ADAM22: variants seen among roughly 807,000 people sequenced by gnomAD.
ADAM22 encodes the protein ADAM metallopeptidase domain 22, also known as disintegrin and metalloproteinase domain-containing protein 22.
ADAM22 carries 65 observed loss-of-function variants against 144.6 expected under a neutral mutation model. The observed-to-expected ratio is 0.45, with a 90% CI of 0.37 to 0.55. The LOEUF is 0.55. ADAM22 is among the 20% of genes least tolerant of loss of function. The probability of loss-of-function intolerance (pLI) is 0.00; values close to 1 mark genes in which losing one functional copy is unlikely to be tolerated. For missense variants in ADAM22, 974 were observed against 1,184.9 expected (o/e 0.82, Z 2.61); for synonymous variants, 391 against 412.6 (o/e 0.95, Z 0.63).
chr7:88,121,222 G>A (rs561079148), intron 7 of ADAM22, among the ~76,000 whole-genome samples: 2 of 151,788 alleles, frequency 1.3e-5, no homozygotes, highest in Non-Finnish European at 2.9e-5. Flanking sequence ...GCTATTCTGG[G>A]CCCTTCACAT....
At chr7:88,159,076 C>T (rs536901528) in intron 22 of ADAM22, among the ~76,000 whole-genome samples, 17 of 152,094 alleles carry the variant, frequency 1.1e-4, no homozygotes, top group African/African-American at 3.4e-4. Context: ...GGGGATGTTA[C>T]GACTCACCCC....
chr7:88,134,655 AG>A (rs1832579278), intron 13 of ADAM22, among the ~76,000 whole-genome samples: 1 of 152,186 alleles, frequency 6.6e-6, no homozygotes, highest in Non-Finnish European at 1.5e-5. Context: ...AATAAATTCA[AG>A]CTGAATTTAA....
chr7:87,977,747 T>C (rs897490099), intron 2 of ADAM22, among the ~76,000 whole-genome samples: 8 of 152,172 alleles, frequency 5.3e-5, no homozygotes, highest in African/African-American at 9.7e-5. Context: ...ATTTTTTTTT[T>C]CTAACACAAG....
At chr7:87,947,849 C>T (rs1429246551) in intron 2 of ADAM22, among the ~76,000 whole-genome samples, 1 of 151,860 alleles carries the variant, frequency 6.6e-6, no homozygotes, top group African/African-American at 2.4e-5. Flanking sequence ...AGGCATGGAC[C>T]CTCATCTTCA....
intron 14 of ADAM22, 30 bp from the exon 15 acceptor site, chr7:88,142,996 C>T (rs768953143): frequency 7.2e-7 from 1 of 1,394,980 alleles, no homozygotes; most frequent in Non-Finnish European, 1.0e-6. Flanking sequence ...ATGAGTTGAA[C>T]CCAGCTATTG....
intron 4 of ADAM22, among the ~76,000 whole-genome samples, chr7:88,076,001 A>ATTATT (rs1302671996): frequency 1.1e-4 from 16 of 152,200 alleles, no homozygotes; most frequent in South Asian, 6.2e-4. Flanking sequence ...AAAAACCCCA[A>ATTATT]TTATTTTATT....
At chr7:88,176,472 A>G (rs745710250) in intron 26 of ADAM22, among the ~76,000 whole-genome samples, 1 of 152,196 alleles carries the variant, frequency 6.6e-6, no homozygotes, top group Non-Finnish European at 1.5e-5. Context: ...TTTATGATGT[A>G]TTTAGCATTT....
At chr7:88,080,190 A>T (rs1214758557) in intron 4 of ADAM22, among the ~76,000 whole-genome samples, 1 of 152,130 alleles carries the variant, frequency 6.6e-6, no homozygotes, top group African/African-American at 2.4e-5. Context: ...GGATTAAGAA[A>T]CTCACTCAAA....
intron 3 of ADAM22, among the ~76,000 whole-genome samples, chr7:88,005,187 C>G (rs766310838): frequency 2.3e-4 from 35 of 152,078 alleles, no homozygotes; most frequent in Non-Finnish European, 4.7e-4. Flanking sequence ...CACTCACTCC[C>G]CATTAAATTT....
At chr7:87,977,519 A>C (rs1281265835) in intron 2 of ADAM22, among the ~76,000 whole-genome samples, 2 of 152,214 alleles carry the variant, frequency 1.3e-5, no homozygotes, top group Non-Finnish European at 2.9e-5. Flanking sequence ...AAACACGAAA[A>C]ATTCCAATAA....
At chr7:88,108,131 T>G in intron 4 of ADAM22, 45 bp from the exon 5 acceptor site, 2 of 1,535,862 alleles carry the variant, frequency 1.3e-6, no homozygotes, top group South Asian at 1.2e-5. Context: ...AGCAGCTGAT[T>G]CTCCTTGTGA....
intron 4 of ADAM22, among the ~76,000 whole-genome samples, chr7:88,103,406 A>G (rs1211726458): frequency 6.6e-6 from 1 of 152,148 alleles, no homozygotes; most frequent in African/African-American, 2.4e-5. Flanking sequence ...TAAATAAATG[A>G]TTATTTTGAT....
Position 88,199,012 on chromosome 7 carries a change from A to G in ADAM22, c.*2521A>G, listed in dbSNP as rs1422354440. On this transcript the variant is annotated 3_prime_UTR_variant, in exon 32 of 32. Coordinates refer to ENST00000413139, the MANE Select transcript of ADAM22 (RefSeq NM_001324418.2). ...ATTCTTAGAGCCATTTGTGGGATTCATTGACAAATTTATAGTCTCAAGGGA... is the reference window on the plus strand; with the variant it reads ...ATTCTTAGAGCCATTTGTGGGATTCGTTGACAAATTTATAGTCTCAAGGGA... The G allele has an allele frequency of 6.6e-6, 1 of 152,230 alleles. No homozygotes were observed. The highest frequency in any genetic ancestry group is 1.5e-5 in the Non-Finnish European group (1 of 68,032). The allele number at this position is 152,230 out of a possible 1,614,324, so 9.4% of individuals were successfully genotyped here. A position where few individuals can be genotyped will look rare whatever the true frequency, so the allele number is the denominator to read the frequency against.
Position 88,132,879 on chromosome 7 carries a change from T to G in ADAM22, c.1005T>G (p.Phe335Leu). 6.2e-7 allele frequency: 1 copy of G among 1,613,890 alleles called. No homozygotes were observed. The highest frequency in any genetic ancestry group is 8.5e-7 in the Non-Finnish European group (1 of 1,179,884). ...DAVHLFSGSQ[F>L]ESSRSGAAYI... ...CCTTTTCTAAAAGGGGAAGTCAATT[T>G]GAGAGTAGCCGGAGCGGGGCAGCTT... Residue 335 changes from phenylalanine to leucine, a missense_variant, in exon 12 of 32, where the codon TTT becomes TTG. Coordinates refer to ENST00000413139, the MANE Select transcript of ADAM22 (RefSeq NM_001324418.2).
chr7:88,156,934 T>C (rs373077239), intron 22 of ADAM22, among the ~76,000 whole-genome samples: 5 of 147,140 alleles, frequency 3.4e-5, no homozygotes, highest in African/African-American at 7.5e-5. Flanking sequence ...ACAAAAACAA[T>C]GAGACAATGA....
chr7:88,156,123 C>G, intron 22 of ADAM22, 117 bp downstream of exon 22: 1 of 1,089,748 alleles, frequency 9.2e-7, no homozygotes, highest in Non-Finnish European at 1.3e-6. Context: ...ATAATCTAGT[C>G]TATAGAGACG....
chr7:88,083,872 G>T (rs74988745), intron 4 of ADAM22, among the ~76,000 whole-genome samples: 6,381 of 151,974 alleles, frequency 0.042, 443 homozygotes, highest in East Asian at 0.26. Flanking sequence ...GATTCATCTA[G>T]ATATAACATG....
intron 3 of ADAM22, among the ~76,000 whole-genome samples, chr7:88,036,155 C>G (rs1055110072): frequency 4.6e-5 from 7 of 152,130 alleles, no homozygotes; most frequent in Non-Finnish European, 1.0e-4. Flanking sequence ...GAAATAATCT[C>G]TGCATGGGTA....
At chr7:87,935,957 A>G (rs1422497020) in intron 2 of ADAM22, among the ~76,000 whole-genome samples, 1 of 152,162 alleles carries the variant, frequency 6.6e-6, no homozygotes, top group Non-Finnish European at 1.5e-5. Context: ...TTTTATTTCT[A>G]CACATCAGCT....
Sources: gnomAD v4.1 joint callset for allele counts (sites outside exome capture counted in the v4.1 genomes callset) on GRCh38, gnomAD v4.1.1 for gene constraint, MANE v1.5 for transcripts, NCBI Gene and HGNC (gene_info 2026-07-23, HGNC 2026-07-21) for gene names.